CNTN5: variants seen among roughly 807,000 people sequenced by gnomAD.
CNTN5 encodes contactin-5.
Under a neutral mutation model 129.1 loss-of-function variants are expected in CNTN5, and 77 were observed. The observed-to-expected ratio is 0.60, with a 90% CI of 0.50 to 0.72. CNTN5 has a LOEUF of 0.72. CNTN5 is among the 30% of genes least tolerant of loss of function. The pLI is 0.00. For synonymous variants in CNTN5, 509 were observed against 465.6 expected, an observed-to-expected ratio of 1.09 and a Z score of -1.20; for missense variants, 1,478 against 1,328.8, an observed-to-expected ratio of 1.11 and a Z score of -1.75.
intron 13 of CNTN5, among the ~76,000 whole-genome samples, chr11:100,133,530 A>G (rs766627855): frequency 3.3e-5 from 5 of 152,124 alleles, no homozygotes; most frequent in Non-Finnish European, 7.4e-5. Context: ...AGAAAATATA[A>G]TTATAGTTTT....
intron 2 of CNTN5, among the ~76,000 whole-genome samples, chr11:99,473,532 G>T (rs1945254358): frequency 6.6e-6 from 1 of 151,514 alleles, no homozygotes; most frequent in Non-Finnish European, 1.5e-5. Context: ...GGAGTTAGAT[G>T]TTGAAATCTT....
At chr11:99,110,992 T>A (rs1857763929) in intron 1 of CNTN5, among the ~76,000 whole-genome samples, 1 of 152,140 alleles carries the variant, frequency 6.6e-6, no homozygotes, top group Admixed American at 6.6e-5. Flanking sequence ...ATGTGGATGT[T>A]TTCATTGTTT....
chr11:99,735,268 ATAAAG>A (rs1296406091), intron 3 of CNTN5, among the ~76,000 whole-genome samples: 5 of 152,242 alleles, frequency 3.3e-5, no homozygotes, highest in East Asian at 3.8e-4. Context: ...CCTGTAAAAC[ATAAAG>A]TAAATTATGT....
chr11:99,839,831 A>G (rs1947422853), intron 4 of CNTN5, among the ~76,000 whole-genome samples: 1 of 152,156 alleles, frequency 6.6e-6, no homozygotes, highest in Non-Finnish European at 1.5e-5. Flanking sequence ...CAAACAAAAA[A>G]GAAGATAAAC....
intron 2 of CNTN5, among the ~76,000 whole-genome samples, chr11:99,342,343 C>T (rs549003752): frequency 2.5e-4 from 38 of 151,860 alleles, no homozygotes; most frequent in African/African-American, 8.5e-4. Flanking sequence ...CAATGATAAA[C>T]GCCAAGGCTT....
chr11:100,304,361 A>G (rs1196989963), intron 20 of CNTN5, among the ~76,000 whole-genome samples: 1 of 151,658 alleles, frequency 6.6e-6, no homozygotes, highest in African/African-American at 2.4e-5. Flanking sequence ...ACCCCAGTGT[A>G]ATAGATGGGA....
chr11:100,269,594 T>C (rs1950371466), intron 17 of CNTN5, among the ~76,000 whole-genome samples: 1 of 152,126 alleles, frequency 6.6e-6, no homozygotes, highest in Non-Finnish European at 1.5e-5. Flanking sequence ...TAGTTTCTAT[T>C]GGAGTAAAAA....
intron 8 of CNTN5, among the ~76,000 whole-genome samples, chr11:99,966,152 G>A (rs1951088161): frequency 6.6e-6 from 1 of 152,120 alleles, no homozygotes; most frequent in Non-Finnish European, 1.5e-5. Flanking sequence ...AGAACATTGT[G>A]TTTTTACACT....
intron 23 of CNTN5, among the ~76,000 whole-genome samples, chr11:100,342,363 T>C (rs1952184629): frequency 6.6e-6 from 1 of 152,014 alleles, no homozygotes. Context: ...AGGCGAGAAA[T>C]ATGATAGACC....
intron 3 of CNTN5, among the ~76,000 whole-genome samples, chr11:99,772,512 G>C (rs1470245471): frequency 3.3e-5 from 5 of 152,052 alleles, no homozygotes; most frequent in Admixed American, 6.6e-5. Context: ...ACTTGATGTG[G>C]CTGTTATGTA....
intron 3 of CNTN5, among the ~76,000 whole-genome samples, chr11:99,738,091 AG>A (rs1402850622): frequency 6.6e-6 from 1 of 152,174 alleles, no homozygotes; most frequent in African/African-American, 2.4e-5. Flanking sequence ...AAATTAGTTT[AG>A]ATGGTCTTAA....
intron 1 of CNTN5, among the ~76,000 whole-genome samples, chr11:99,174,260 A>G (rs1176128811): frequency 1.3e-5 from 2 of 152,110 alleles, no homozygotes; most frequent in African/African-American, 4.8e-5. Flanking sequence ...TGGCCTCCCA[A>G]AGTGCTGGGA....
At chr11:99,088,106 A>G (rs562925098) in intron 1 of CNTN5, among the ~76,000 whole-genome samples, 3 of 152,318 alleles carry the variant, frequency 2.0e-5, no homozygotes, top group Admixed American at 1.3e-4. Flanking sequence ...CCTTGGGTTC[A>G]GGTACAACTA....
intron 2 of CNTN5, among the ~76,000 whole-genome samples, chr11:99,460,815 C>T (rs568375483): frequency 8.5e-4 from 129 of 152,106 alleles, no homozygotes; most frequent in South Asian, 2.1e-3. Flanking sequence ...TTTGGAATCA[C>T]GTTATCAATT....
intron 2 of CNTN5, among the ~76,000 whole-genome samples, chr11:99,424,461 A>C (rs1025077638): frequency 1.2e-4 from 18 of 152,202 alleles, no homozygotes; most frequent in Non-Finnish European, 1.8e-4. Flanking sequence ...TGGAGCGGCA[A>C]GGGGTGTGTA....
intron 13 of CNTN5, among the ~76,000 whole-genome samples, chr11:100,181,300 C>T (rs1023595857): frequency 2.6e-5 from 4 of 151,726 alleles, no homozygotes; most frequent in African/African-American, 9.7e-5. Flanking sequence ...TTGAAAAAAA[C>T]CAATCCCCAA....
chr11:99,595,526 A>T (rs1950099427), intron 3 of CNTN5, among the ~76,000 whole-genome samples: 2 of 152,152 alleles, frequency 1.3e-5, no homozygotes. Context: ...AGTAAAAATA[A>T]TAGGTAAAGT....
intron 1 of CNTN5, among the ~76,000 whole-genome samples, chr11:99,317,339 T>C (rs1039297104): frequency 6.6e-6 from 1 of 152,198 alleles, no homozygotes; most frequent in African/African-American, 2.4e-5. Flanking sequence ...AGAAAATTTC[T>C]AGTTATCTTG....
intron 2 of CNTN5, among the ~76,000 whole-genome samples, chr11:99,451,735 A>G (rs905342063): frequency 1.3e-5 from 2 of 152,278 alleles, no homozygotes; most frequent in South Asian, 4.1e-4. Flanking sequence ...TAGTACCTAG[A>G]TAAAAGCCTA....
Sources: gnomAD v4.1 joint callset for allele counts (sites outside exome capture counted in the v4.1 genomes callset) on GRCh38, gnomAD v4.1.1 for gene constraint, MANE v1.5 for transcripts, NCBI Gene and HGNC (gene_info 2026-07-23, HGNC 2026-07-21) for gene names.